GPR107: variants seen among roughly 807,000 people sequenced by gnomAD.
GPR107 encodes protein GPR107.
A neutral mutation model predicts 75.5 loss-of-function variants in GPR107; 31 were observed. The ratio of observed to expected loss-of-function variants is 0.41; its 90% confidence interval spans 0.31 to 0.55. GPR107 has a LOEUF of 0.55. Ranked by LOEUF, GPR107 falls within the 20% of genes least tolerant of loss-of-function variation. GPR107 has a pLI of 0.26. For synonymous variants in GPR107, 267 were observed against 251.3 expected, an observed-to-expected ratio of 1.06 and a Z score of -0.59; for missense variants, 572 against 665.7, an observed-to-expected ratio of 0.86 and a Z score of 1.55.
intron 10 of GPR107, among the ~76,000 whole-genome samples, 186 bp downstream of exon 10, chr9:130,099,718 T>C (rs764662150): frequency 2.9e-4 from 44 of 152,280 alleles, no homozygotes; most frequent in Non-Finnish European, 5.3e-4. Context: ...CCTCCCCTCA[T>C]ATTAGACTTC....
intron 9 of GPR107, among the ~76,000 whole-genome samples, chr9:130,094,310 G>A (rs1830811476): frequency 6.6e-6 from 1 of 152,188 alleles, no homozygotes; most frequent in South Asian, 2.1e-4. Context: ...TGGGCGTGGT[G>A]GCAGGTGCCT....
chr9:130,081,666 T>C (rs1212127609), intron 5 of GPR107, among the ~76,000 whole-genome samples: 2 of 144,370 alleles, frequency 1.4e-5, no homozygotes, highest in African/African-American at 5.2e-5. Context: ...AGTGAGACTC[T>C]GTCTCAAAAA....
intron 14 of GPR107, among the ~76,000 whole-genome samples, chr9:130,118,578 TGGAGGTAGAGGAGCCCACA>T (rs963140161): frequency 6.6e-6 from 1 of 152,068 alleles, no homozygotes; most frequent in Non-Finnish European, 1.5e-5. Context: ...CAGAGTGAGT[TGGAGGTAGAGGAGCCCACA>T]GGACAGGAGG....
chr9:130,077,976 T>A (rs561074870), intron 4 of GPR107, among the ~76,000 whole-genome samples: 1 of 152,120 alleles, frequency 6.6e-6, no homozygotes, highest in East Asian at 1.9e-4. Context: ...CCATCCTGGC[T>A]AAAACAGTGA....
At chr9:130,061,941 T>C (rs1040021403) in intron 1 of GPR107, among the ~76,000 whole-genome samples, 1 of 149,870 alleles carries the variant, frequency 6.7e-6, no homozygotes, top group African/African-American at 2.5e-5. Context: ...TGAGACTCTG[T>C]CTCAAAAAAA....
chr9:130,070,600 A>T (rs573597062), intron 1 of GPR107, among the ~76,000 whole-genome samples: 1 of 152,226 alleles, frequency 6.6e-6, no homozygotes, highest in Non-Finnish European at 1.5e-5. Flanking sequence ...CACCGCGCCT[A>T]GCCAAAAAGA....
chr9:130,101,033 G>T, intron 11 of GPR107, 73 bp from the exon 12 acceptor site: 1 of 875,320 alleles, frequency 1.1e-6, no homozygotes, highest in South Asian at 1.4e-5. Context: ...CTCATAGAAT[G>T]AGCTATGCAA....
chr9:130,085,992 C>G (rs1265106538), intron 6 of GPR107, among the ~76,000 whole-genome samples: 3 of 152,126 alleles, frequency 2.0e-5, no homozygotes, highest in African/African-American at 7.2e-5. Context: ...CTCAAGTGAT[C>G]TGCCCACCTT....
At chr9:130,056,977 C>T (rs113205261) in intron 1 of GPR107, among the ~76,000 whole-genome samples, 5,634 of 148,168 alleles carry the variant, frequency 0.038, 373 homozygotes, top group African/African-American at 0.13. Context: ...TGTGTTGGGC[C>T]GCATTCAAAG....
chr9:130,086,610 G>T, intron 7 of GPR107, 134 bp downstream of exon 7: 1 of 654,866 alleles, frequency 1.5e-6, no homozygotes. Context: ...AAATGCAGTA[G>T]CTCTCCTTAT....
intron 1 of GPR107, among the ~76,000 whole-genome samples, chr9:130,062,420 G>A (rs28407335): frequency 3.6e-5 from 5 of 139,874 alleles, no homozygotes; most frequent in Admixed American, 7.4e-5. Context: ...TCTCGAAAAT[G>A]ATAATAATAA....
chr9:130,065,656 A>G (rs548865471), intron 1 of GPR107, among the ~76,000 whole-genome samples: 35 of 142,416 alleles, frequency 2.5e-4, no homozygotes, highest in Admixed American at 4.2e-4. Flanking sequence ...AGTCCCAGCT[A>G]CTTGGGAGGC....
rs1225762529 is a variant in GPR107 at position 130,112,369 on chromosome 9, A to T, written c.1306+4830A>T. Among the ~76,000 whole-genome samples the T allele has an allele frequency of 2.6e-5, 4 of 152,174 alleles. No homozygotes were observed. Among genetic ancestry groups the T allele is most frequent in the Non-Finnish European group, 4.4e-5 (3 of 68,046 alleles). On this transcript the variant is annotated intron_variant, in intron 14 of 17. Coordinates refer to ENST00000347136, the MANE Select transcript of GPR107 (RefSeq NM_020960.5). This position sits in a 1 kb window ranked among gnomAD's most constrained non-coding sequence, Gnocchi z 4.0. ...CGGGATCAAAACTATTTTCATAATCATACGGTGTGAGTCTCTTGTGCTGTT... is the reference window on the plus strand; with the variant it reads ...CGGGATCAAAACTATTTTCATAATCTTACGGTGTGAGTCTCTTGTGCTGTT...
intron 13 of GPR107, among the ~76,000 whole-genome samples, chr9:130,106,701 C>T (rs988551035): frequency 6.6e-6 from 1 of 152,028 alleles, no homozygotes; most frequent in Non-Finnish European, 1.5e-5. Flanking sequence ...GGTTAGCTTT[C>T]GTGTGGTGTT....
At chr9:130,068,960 A>T (rs925133662) in intron 1 of GPR107, among the ~76,000 whole-genome samples, 1 of 152,018 alleles carries the variant, frequency 6.6e-6, no homozygotes, top group Non-Finnish European at 1.5e-5. Flanking sequence ...GGCTGGTCTC[A>T]AACTCCTCAG....
chr9:130,062,947 C>T (rs1231002555), intron 1 of GPR107, among the ~76,000 whole-genome samples: 2 of 152,096 alleles, frequency 1.3e-5, no homozygotes, highest in Non-Finnish European at 2.9e-5. Context: ...CCAGGCTGGT[C>T]TTGAACTCCT....
At chr9:130,078,096 C>T (rs1371092583) in intron 4 of GPR107, among the ~76,000 whole-genome samples, 11 of 150,610 alleles carry the variant, frequency 7.3e-5, no homozygotes, top group Admixed American at 2.0e-4. Flanking sequence ...ACCCAGGAGG[C>T]GGAGCTTGCG....
Position 130,135,107 on chromosome 9 carries a change from G to A in GPR107, c.1645G>A (p.Glu549Lys), listed in dbSNP as rs1554899749. 1 of 1,602,636 alleles carries A rather than the reference G, an allele frequency of 6.2e-7. No individual in the cohort carries two copies. The highest frequency in any genetic ancestry group is 8.5e-7 in the Non-Finnish European group (1 of 1,171,588). The change falls in exon 18 of 18, where the codon GAA (glutamate) becomes AAA (lysine). Residue 549 changes from glutamate (E) to lysine (K), a missense_variant. By Grantham distance (56) the Glu-to-Lys change is moderately conservative. Coordinates refer to ENST00000347136, the MANE Select transcript of GPR107 (RefSeq NM_020960.5). ...NGSVEPQGEWEGAV is the reference protein window; with the variant it reads ...NGSVEPQGEWKGAV ...CTCCGTGGAGCCCCAGGGCGAGTGG[G>A]AAGGCGCCGTGTGACAGAGCCGACC... is the stretch of plus-strand genomic sequence containing the variant.
intron 6 of GPR107, among the ~76,000 whole-genome samples, chr9:130,084,075 C>CACAT: frequency 1.5e-5 from 1 of 68,888 alleles, no homozygotes; most frequent in East Asian, 3.8e-4. Flanking sequence ...TATATGTACA[C>CACAT]ACATACATAC....
Sources: allele counts gnomAD v4.1 joint callset (sites outside exome capture counted in the v4.1 genomes callset), GRCh38; gene constraint gnomAD v4.1.1; non-coding constraint Gnocchi (gnomAD v3.1); transcripts MANE v1.5; gene names NCBI Gene and HGNC (gene_info 2026-07-23, HGNC 2026-07-21).